AKAP9: variants seen among roughly 807,000 people sequenced by gnomAD.
AKAP9 encodes A-kinase anchor protein 9.
A neutral mutation model predicts 488.5 loss-of-function variants in AKAP9; 311 were observed. That is an observed-to-expected ratio of 0.64 (90% confidence interval 0.58 to 0.70). AKAP9 has a LOEUF of 0.70. AKAP9 is among the 30% of genes least tolerant of loss of function. The pLI, the probability that AKAP9 is intolerant of heterozygous loss-of-function variation, is 0.00. For synonymous variants in AKAP9, 1,462 were observed against 1,483.5 expected, an observed-to-expected ratio of 0.99 and a Z score of 0.33; for missense variants, 4,215 against 4,374.5, an observed-to-expected ratio of 0.96 and a Z score of 1.03.
intron 1 of AKAP9, among the ~76,000 whole-genome samples, chr7:91,969,715 G>A (rs561615600): frequency 2.2e-4 from 33 of 152,164 alleles, no homozygotes; most frequent in African/African-American, 7.5e-4. Flanking sequence ...TCTGATACAA[G>A]TATAGCTACT....
At chr7:92,059,605 T>C (rs979501987) in intron 22 of AKAP9, among the ~76,000 whole-genome samples, 2 of 151,862 alleles carry the variant, frequency 1.3e-5, no homozygotes, top group African/African-American at 4.8e-5. Context: ...GTAAATTCTT[T>C]GTTATATCCT....
chr7:92,036,556 G>A (rs898055581), intron 16 of AKAP9, among the ~76,000 whole-genome samples: 5 of 152,074 alleles, frequency 3.3e-5, no homozygotes, highest in South Asian at 2.1e-4. Context: ...CCATTATCTC[G>A]TGAAATAGTT....
chr7:92,071,068 T>C (rs760161785), intron 28 of AKAP9, 59 bp downstream of exon 28: 3 of 1,426,100 alleles, frequency 2.1e-6, no homozygotes, highest in Non-Finnish European at 3.0e-6. Context: ...ATCAGTTACC[T>C]TGAAAATATT....
intron 9 of AKAP9, among the ~76,000 whole-genome samples, chr7:92,013,443 TC>T (rs1801072548): frequency 6.6e-6 from 1 of 152,120 alleles, no homozygotes; most frequent in Admixed American, 6.5e-5. Context: ...AAAGTTTTAT[TC>T]TGAAAGAAGC....
At position 92,103,611 on chromosome 7, in the gene AKAP9, C is replaced by T. The variant is rs1817995758; in HGVS notation, c.11330+785C>T. Among the ~76,000 whole-genome samples the T allele has an allele frequency of 2.7e-5, 4 of 150,852 alleles. No homozygotes were observed. In the South Asian group the frequency reaches 8.4e-4, roughly 32 times the overall value. ...TTGGGAGGCTGAGGCAGGACAATGGCATGAACCTGGGAGGTGGAGCTTGCA... is the reference window on the plus strand; with the variant it reads ...TTGGGAGGCTGAGGCAGGACAATGGTATGAACCTGGGAGGTGGAGCTTGCA... On this transcript the variant is annotated intron_variant, in intron 46 of 49. Coordinates refer to ENST00000356239, the MANE Select transcript of AKAP9 (RefSeq NM_005751.5).
chr7:92,098,400 G>T (rs1004300309), intron 43 of AKAP9, among the ~76,000 whole-genome samples, 186 bp downstream of exon 43: 2 of 151,998 alleles, frequency 1.3e-5, no homozygotes, highest in African/African-American at 2.4e-5. Flanking sequence ...AGCTTAGGGG[G>T]GGAATTAGCT....
intron 1 of AKAP9, among the ~76,000 whole-genome samples, chr7:91,965,353 C>A (rs1047061586): frequency 6.6e-6 from 1 of 152,130 alleles, no homozygotes; most frequent in Non-Finnish European, 1.5e-5. Flanking sequence ...CATGGTGCTG[C>A]GAATGACAAT....
chr7:92,059,289 C>T (rs894159887), intron 22 of AKAP9, among the ~76,000 whole-genome samples: 1 of 151,830 alleles, frequency 6.6e-6, no homozygotes, highest in Non-Finnish European at 1.5e-5. Context: ...AATAAACATA[C>T]TCTAACTGAA....
At chr7:92,089,245 G>T in intron 37 of AKAP9, 140 bp from the exon 38 acceptor site, 1 of 758,116 alleles carries the variant, frequency 1.3e-6, no homozygotes, top group Non-Finnish European at 2.1e-6. Flanking sequence ...CATACATTTT[G>T]GAAAGGAAAA....
At chr7:92,070,497 C>G (rs1034713052) in intron 27 of AKAP9, among the ~76,000 whole-genome samples, 1 of 151,850 alleles carries the variant, frequency 6.6e-6, no homozygotes, top group Non-Finnish European at 1.5e-5. Flanking sequence ...TGCAATGGTG[C>G]GACCTCAGCT....
intron 21 of AKAP9, among the ~76,000 whole-genome samples, chr7:92,048,716 G>A (rs1807420633): frequency 6.6e-6 from 1 of 152,162 alleles, no homozygotes; most frequent in South Asian, 2.1e-4. Context: ...AGACCAGCCT[G>A]GCCAACATGG....
Position 92,042,166 on chromosome 7 carries a change from A to G in AKAP9, c.5038A>G (p.Asn1680Asp). The G allele has an allele frequency of 6.2e-7, 1 of 1,613,928 alleles. No individual in the cohort carries two copies. The highest frequency in any genetic ancestry group is 8.5e-7 in the Non-Finnish European group (1 of 1,179,852). Reference sequence around the variant, plus strand: ...AGAGAAGCTGTGTTGTGAGCTGCGCAACAGCAGTACGCAAACACAGGTAGT... The same window carrying G: ...AGAGAAGCTGTGTTGTGAGCTGCGCGACAGCAGTACGCAAACACAGGTAGT... ...GREKLCCELRNSSTQTQNGNE... is the reference protein window; with the variant it reads ...GREKLCCELRDSSTQTQNGNE... Residue 1680 changes from asparagine to aspartate, a missense_variant, in exon 19 of 50, where the codon AAC (asparagine) becomes GAC (aspartate). Around this residue, in one of 5 missense-constraint regions of AKAP9, gnomAD observed 2,361 missense variants for 2,430.0 expected, o/e 0.97. Coordinates refer to ENST00000356239, the MANE Select transcript of AKAP9 (RefSeq NM_005751.5).
In AKAP9 at chr7:92,052,708, A is replaced by G; in HGVS notation, c.5369-18A>G. ...ATTATTATAATTAATTTATGCCTTT[A>G]AAACACTGTTATTCTAGTTACAGAT... is the stretch of plus-strand genomic sequence containing the variant. On this transcript the variant is annotated intron_variant, in intron 21 of 49. Coordinates refer to ENST00000356239, the MANE Select transcript of AKAP9 (RefSeq NM_005751.5). 6.5e-7 allele frequency: 1 copy of G among 1,543,116 alleles called. No homozygotes were observed. The highest frequency in any genetic ancestry group is 8.9e-7 in the Non-Finnish European group (1 of 1,118,284).
At chr7:91,985,551 T>C (rs1356591620) in intron 3 of AKAP9, among the ~76,000 whole-genome samples, 1 of 152,222 alleles carries the variant, frequency 6.6e-6, no homozygotes, top group African/African-American at 2.4e-5. Context: ...TTCATGTTAA[T>C]CAGGGATATT....
intron 1 of AKAP9, among the ~76,000 whole-genome samples, chr7:91,964,619 A>G (rs1794197808): frequency 6.6e-6 from 1 of 152,140 alleles, no homozygotes; most frequent in African/African-American, 2.4e-5. Context: ...ATAGAAAGAG[A>G]AAAACATTAG....
intron 1 of AKAP9, among the ~76,000 whole-genome samples, chr7:91,960,482 T>C (rs944421547): frequency 3.9e-5 from 6 of 152,210 alleles, no homozygotes; most frequent in Admixed American, 3.9e-4. Context: ...CTTATGATCT[T>C]GGGCAGATAA....
chr7:91,949,901 G>C (rs1486007328), intron 1 of AKAP9, among the ~76,000 whole-genome samples: 7 of 152,084 alleles, frequency 4.6e-5, no homozygotes, highest in African/African-American at 1.7e-4. Context: ...GTGGTTTACT[G>C]TTCTCTGAGA....
intron 3 of AKAP9, among the ~76,000 whole-genome samples, chr7:91,981,861 C>T (rs981324974): frequency 1.3e-5 from 2 of 152,112 alleles, no homozygotes; most frequent in African/African-American, 4.8e-5. Flanking sequence ...ACCTCTGCCT[C>T]CCGAAGTGCT....
intron 30 of AKAP9, among the ~76,000 whole-genome samples, chr7:92,078,674 G>A (rs1241338053): frequency 6.6e-6 from 1 of 151,806 alleles, no homozygotes; most frequent in Non-Finnish European, 1.5e-5. Flanking sequence ...TTTTCAGAAA[G>A]GCTCTGTGAC....
Sources: gnomAD v4.1 joint callset for allele counts (sites outside exome capture counted in the v4.1 genomes callset) on GRCh38, gnomAD v4.1.1 for gene constraint, gnomAD v4.1.1 regional missense constraint, MANE v1.5 for transcripts, NCBI Gene and HGNC (gene_info 2026-07-23, HGNC 2026-07-21) for gene names.